Variants in KNDC1 observed in about 807,000 individuals in gnomAD.
KNDC1 encodes kinase non-catalytic C-lobe domain-containing protein 1.
A neutral mutation model predicts 172.8 loss-of-function variants in KNDC1; 106 were observed. The observed-to-expected ratio is 0.61, with a 90% confidence interval of 0.52 to 0.72. The LOEUF (loss-of-function observed/expected upper bound fraction) is 0.72, where lower values mean the gene tolerates loss of function less well. Ranked by LOEUF, KNDC1 falls within the 30% of genes least tolerant of loss-of-function variation. The pLI is 0.00. For synonymous variants in KNDC1, 1,083 were observed against 1,062.2 expected, an observed-to-expected ratio of 1.02 and a Z score of -0.38; for missense variants, 2,325 against 2,394.5, an observed-to-expected ratio of 0.97 and a Z score of 0.61.
chr10:133,182,981 ACAGGCG>A (rs1853766920), intron 3 of KNDC1, among the ~76,000 whole-genome samples: 2 of 140,620 alleles, frequency 1.4e-5, no homozygotes, highest in African/African-American at 2.7e-5. Context: ...CGGTGTGGGC[ACAGGCG>A]GCGTGGGCAC....
At chr10:133,187,314 GGGCCTGGTCCGTC>G (rs1853948446) in intron 6 of KNDC1, among the ~76,000 whole-genome samples, 2 of 152,378 alleles carry the variant, frequency 1.3e-5, no homozygotes, top group South Asian at 4.1e-4. Context: ...GTGTTCTGGG[GGGCCTGGTCCGTC>G]GGCCCCTCTG....
chr10:133,189,859 C>T (rs764951843), intron 9 of KNDC1, 46 bp downstream of exon 9: 10 of 1,491,960 alleles, frequency 6.7e-6, no homozygotes, highest in African/African-American at 5.5e-5. Context: ...CCCCAGCCCT[C>T]GGGGATGCCA....
chr10:133,160,989 T>TG (rs1205569050), intron 1 of KNDC1, among the ~76,000 whole-genome samples: 5 of 147,668 alleles, frequency 3.4e-5, no homozygotes, highest in African/African-American at 1.3e-4. Context: ...GAGCGGGGGG[T>TG]GGGGGGAGCG....
intron 17 of KNDC1, among the ~76,000 whole-genome samples, chr10:133,205,666 T>G (rs1845166348): frequency 6.6e-6 from 1 of 152,202 alleles, no homozygotes; most frequent in Non-Finnish European, 1.5e-5. Context: ...ATTGGGCTTC[T>G]TTAAGTTTAA....
At chr10:133,199,356 C>A (rs914967780) in intron 14 of KNDC1, 90 bp downstream of exon 14, 50 of 1,559,948 alleles carry the variant, frequency 3.2e-5, no homozygotes, top group Middle Eastern at 1.7e-4. Context: ...CTTCCCCCAG[C>A]CCCCCAGCCG....
chr10:133,188,242 G>T (rs866018192), intron 6 of KNDC1, among the ~76,000 whole-genome samples: 7 of 152,204 alleles, frequency 4.6e-5, no homozygotes, highest in African/African-American at 1.7e-4. Context: ...TGGCCGTGTG[G>T]AACTGCTGTC....
chr10:133,200,478 C>T lies in KNDC1; in HGVS notation c.2989+18C>T. On this transcript the variant is annotated intron_variant, in intron 16 of 29. Coordinates refer to ENST00000304613, the MANE Select transcript of KNDC1 (RefSeq NM_152643.8). ...CCGCCTGGGTAAGTGCTGGGCGGGCCCCGCGGCAGGAGCTCTGCTGGGCGG... is the reference window on the plus strand; with the variant it reads ...CCGCCTGGGTAAGTGCTGGGCGGGCTCCGCGGCAGGAGCTCTGCTGGGCGG... 1.3e-6 allele frequency: 2 copies of T among 1,509,178 alleles called. No individual in the cohort carries two copies. The highest frequency in any genetic ancestry group is 2.8e-5 in the African/African-American group (2 of 70,432). The allele number at this position is 1,509,178 out of a possible 1,614,324, so 93.5% of individuals were successfully genotyped here.
intron 23 of KNDC1, among the ~76,000 whole-genome samples, chr10:133,212,198 G>T (rs1845382488): frequency 6.6e-6 from 1 of 151,776 alleles, no homozygotes; most frequent in Non-Finnish European, 1.5e-5. Flanking sequence ...ACCTACACGT[G>T]TGCACCCTCA....
intron 1 of KNDC1, 74 bp downstream of exon 1, chr10:133,160,643 C>T: frequency 4.7e-6 from 5 of 1,055,326 alleles, no homozygotes; most frequent in Non-Finnish European, 6.7e-6. Flanking sequence ...GGGGAGGACC[C>T]GGGAGGGGCT....
chr10:133,189,473 G>T, intron 7 of KNDC1, 125 bp from the exon 8 acceptor site: 1 of 858,290 alleles, frequency 1.2e-6, no homozygotes, highest in Admixed American at 2.1e-5. Context: ...TGGCAGGTGC[G>T]TGCCCGTGCA....
intron 3 of KNDC1, among the ~76,000 whole-genome samples, chr10:133,179,528 G>A (rs1853654552): frequency 6.6e-6 from 1 of 152,206 alleles, no homozygotes; most frequent in South Asian, 2.1e-4. Context: ...TCGGGAGAGT[G>A]TAACCCGCTT....
chr10:133,167,370 G>T lies in KNDC1; in HGVS notation c.103-11G>T. ...TCCTGCCGGGCTCACGGCCAGGGCC[G>T]GTCTTGGCAGGAGAACGTGTCTCTG... On this transcript the variant is annotated splice_polypyrimidine_tract_variant and intron_variant, in intron 1 of 29. Transcript: ENST00000304613. 7 of 1,564,702 alleles carry T rather than the reference G, an allele frequency of 4.5e-6. No individual in the cohort carries two copies. The East Asian group carries it at 1.6e-4, about 36-fold the overall frequency.
chr10:133,197,179 G>C (rs373414220), intron 11 of KNDC1, 44 bp downstream of exon 11: 1 of 1,493,436 alleles, frequency 6.7e-7, no homozygotes, highest in Non-Finnish European at 9.3e-7. Context: ...GCCGCGCTTA[G>C]CTTCCTCCCT....
At chr10:133,222,265 AGAGC>A (rs1274910914) in intron 29 of KNDC1, among the ~76,000 whole-genome samples, 8 of 134,730 alleles carry the variant, frequency 5.9e-5, no homozygotes, top group Non-Finnish European at 9.8e-5. Flanking sequence ...CCTGGGCGAT[AGAGC>A]GAGACTCCGT....
chr10:133,186,456 G>T lies in KNDC1; in HGVS notation c.1108G>T (p.Glu370Ter). The T allele has an allele frequency of 6.2e-7, 1 of 1,612,522 alleles. No individual in the cohort carries two copies. The highest frequency in any genetic ancestry group is 8.5e-7 in the Non-Finnish European group (1 of 1,179,804). ...CAGGCTGTGGCCGGAGCAGGAGCCG[G>T]AACACCAGCTGGGACGGGTTCCCTG... ...KCRLWPEQEP[E>*]HQLGRVPCAG... Residue 370 changes from glutamate (E) to a stop codon, truncating the protein, a stop_gained, in exon 6 of 30, where the codon GAA becomes TAA. Transcript: ENST00000304613. LOFTEE classifies it high-confidence loss of function.
rs758135763 is a variant in KNDC1, at chr10:133,201,750, C to T, written c.3239C>T (p.Ser1080Phe). Residue 1080 changes from serine to phenylalanine, a missense_variant, in exon 17 of 30, where the codon TCC becomes TTC. By Grantham distance (155) the Ser-to-Phe change is radical. Coordinates refer to ENST00000304613, the MANE Select transcript of KNDC1 (RefSeq NM_152643.8). Reference protein sequence around the residue: ...ARSKGVGPALSPGPAGFQSCS... With the variant: ...ARSKGVGPALFPGPAGFQSCS... Reference sequence around the variant, plus strand: ...TCCAAAGGGGTCGGCCCAGCCTTGTCCCCCGGCCCAGCCGGATTCCAGAGC... The same window carrying T: ...TCCAAAGGGGTCGGCCCAGCCTTGTTCCCCGGCCCAGCCGGATTCCAGAGC... The T allele has an allele frequency of 8.3e-6, 13 of 1,573,314 alleles. No homozygotes were observed. Among genetic ancestry groups the T allele is most frequent in the Non-Finnish European group, 1.1e-5 (13 of 1,159,750 alleles).
At position 133,199,119 on chromosome 10, in the gene KNDC1, G is replaced by C. The variant is rs770243792; in HGVS notation, c.2611G>C (p.Asp871His). The change falls in exon 14 of 30, where the codon GAC (aspartate) becomes CAC (histidine). Residue 871 changes from aspartate (D) to histidine (H), a missense_variant. By Grantham distance (81) the Asp-to-His change is moderately conservative (BLOSUM62 -1). Coordinates refer to ENST00000304613, the MANE Select transcript of KNDC1 (RefSeq NM_152643.8). ...TGTCCCAGAGAGGCCGCGGCCCGCA[G>C]ACCGGAGGCTCTGTCTGCCCTGCGT... ...DSVPERPRPA[D>H]RRLCLPCVDA... The C allele has an allele frequency of 1.2e-6, 2 of 1,607,782 alleles. No individual in the cohort carries two copies. The highest frequency in any genetic ancestry group is 1.7e-6 in the Non-Finnish European group (2 of 1,178,018).
chr10:133,211,313 A>C, intron 21 of KNDC1, 109 bp from the exon 22 acceptor site: 4 of 949,780 alleles, frequency 4.2e-6, no homozygotes, highest in Non-Finnish European at 4.5e-6. Flanking sequence ...CCCTGCACAC[A>C]TGGAGCCTGG....
At chr10:133,168,180 C>T (rs1346332505) in intron 2 of KNDC1, 74 bp from the exon 3 acceptor site, 42 of 1,369,348 alleles carry the variant, frequency 3.1e-5, no homozygotes, top group Non-Finnish European at 4.0e-5. Context: ...CCTCTCCAGG[C>T]CCTTCTCAGC....
Sources: gnomAD v4.1 joint callset for allele counts (sites outside exome capture counted in the v4.1 genomes callset) on GRCh38, gnomAD v4.1.1 for gene constraint, MANE v1.5 for transcripts, NCBI Gene and HGNC (gene_info 2026-07-23, HGNC 2026-07-21) for gene names.